The following NUMB variants were observed in gnomAD, a reference collection of about 807,000 sequenced individuals.
NUMB encodes NUMB endocytic adaptor protein.
In NUMB, 29 loss-of-function variants were observed where a neutral mutation model predicts 59.7. That is an observed-to-expected ratio of 0.49 (90% CI 0.36 to 0.66). The LOEUF (loss-of-function observed/expected upper bound fraction) is 0.66, where lower values mean the gene tolerates loss of function less well. Among genes scored for constraint, NUMB ranks in the 30% least tolerant of loss-of-function variants. NUMB has a pLI of 0.00. For synonymous variants in NUMB, 288 were observed against 288.2 expected, an observed-to-expected ratio of 1.00 and a Z score of 0.01; for missense variants, 723 against 822.0, an observed-to-expected ratio of 0.88 and a Z score of 1.47.
intron 5 of NUMB, among the ~76,000 whole-genome samples, chr14:73,321,579 T>C (rs1466688431): frequency 1.3e-5 from 2 of 152,230 alleles, no homozygotes; most frequent in African/African-American, 2.4e-5. Context: ...TTTACTTCTC[T>C]TTTAAATTTG....
intron 1 of NUMB, among the ~76,000 whole-genome samples, chr14:73,410,892 A>T (rs547305697): frequency 3.3e-5 from 5 of 152,358 alleles, no homozygotes; most frequent in Non-Finnish European, 7.3e-5. Flanking sequence ...CCCAAAACGT[A>T]AGATTAGTCC....
At chr14:73,332,872 T>C (rs1395148780) in intron 4 of NUMB, among the ~76,000 whole-genome samples, 1 of 151,986 alleles carries the variant, frequency 6.6e-6, no homozygotes, top group East Asian at 1.9e-4. Flanking sequence ...TGGCCTTTCA[T>C]GTCTGGCTTA....
At position 73,352,471 on chromosome 14, in the gene NUMB, CACACACATATATATATAT is replaced by C. The variant is rs1893390210; in HGVS notation, c.126+3137_126+3154del. On this transcript the variant is annotated intron_variant, in intron 4 of 12. Coordinates refer to ENST00000555238, the MANE Select transcript of NUMB (RefSeq NM_001005743.2). The stretch of plus-strand genomic sequence containing the variant: ...ACACACACACACATACACACACACA[CACACACATATATATATAT>C]ATATATATATATATATATATATATA... 1.4e-3 allele frequency among the ~76,000 whole-genome samples: 29 copies of C among 21,026 alleles called. 4 individuals carry two copies. Among genetic ancestry groups the C allele is most frequent in the African/African-American group, 4.7e-3 (28 of 5,918 alleles). 13.8% of individuals were successfully genotyped at this position (21,026 alleles called of 152,430 possible).
chr14:73,348,851 TAGA>T (rs1017908956), intron 4 of NUMB, among the ~76,000 whole-genome samples: 8 of 152,222 alleles, frequency 5.3e-5, no homozygotes, highest in South Asian at 2.1e-4. Flanking sequence ...CACAGCTGAT[TAGA>T]AGAAGTGCTT....
chr14:73,388,760 G>A (rs1895679819), intron 2 of NUMB, among the ~76,000 whole-genome samples: 1 of 151,726 alleles, frequency 6.6e-6, no homozygotes. Flanking sequence ...GTCAGGAGTT[G>A]GCAACCAGCC....
chr14:73,367,927 T>C (rs764240350), intron 2 of NUMB, among the ~76,000 whole-genome samples: 1 of 151,972 alleles, frequency 6.6e-6, no homozygotes, highest in Non-Finnish European at 1.5e-5. Flanking sequence ...TTCAAAACAC[T>C]CTAGAGAATC....
chr14:73,368,309 C>T (rs1594955790), intron 2 of NUMB, among the ~76,000 whole-genome samples: 2 of 152,254 alleles, frequency 1.3e-5, no homozygotes, highest in Non-Finnish European at 1.5e-5. Flanking sequence ...GGCACAGTGG[C>T]TCACGCCTGT....
chr14:73,286,925 T>C lies in NUMB; in HGVS notation c.655+185A>G, dbSNP rs1889048418. 1.5e-5 allele frequency: 9 copies of C among 613,394 alleles called. No individual in the cohort carries two copies. In the South Asian group the frequency reaches 1.8e-4, roughly 12 times the overall value. 38.0% of individuals were successfully genotyped at this position (613,394 alleles called of 1,614,324 possible). A position where few individuals can be genotyped will look rare whatever the true frequency, so the allele number is the denominator to read the frequency against. On this transcript the variant is annotated intron_variant, in intron 9 of 12. Transcript: ENST00000555238. Reference sequence around the variant, plus strand: ...TAGCTTACTATAATGGAGTAAATATTTTTGAAGCCATTAAACTAGCCACTC... The same window carrying C: ...TAGCTTACTATAATGGAGTAAATATCTTTGAAGCCATTAAACTAGCCACTC...
intron 1 of NUMB, among the ~76,000 whole-genome samples, chr14:73,451,195 C>T (rs1397418598): frequency 6.3e-5 from 9 of 143,460 alleles, no homozygotes; most frequent in African/African-American, 2.3e-4. Context: ...ATCTACACTT[C>T]GGGAGGCTGA....
rs1566766450 is a variant in NUMB at position 73,372,317 on chromosome 14, A to ATATATATATATATATAACCTTT, written c.-100-5337_-100-5336insAAAGGTTATATATATATATATA. ...ATATATATTTCTTTTATATATATAT[A>ATATATATATATATATAACCTTT]TATATATATATATATATATAACCTT... is the stretch of plus-strand genomic sequence containing the variant. On this transcript the variant is annotated intron_variant, in intron 2 of 12. Coordinates refer to ENST00000555238, the MANE Select transcript of NUMB (RefSeq NM_001005743.2). 2.5e-4 allele frequency among the ~76,000 whole-genome samples: 27 copies of ATATATATATATATATAACCTTT among 107,692 alleles called. 1 individual carries two copies. Among genetic ancestry groups the ATATATATATATATATAACCTTT allele is most frequent in the African/African-American group, 8.9e-4 (27 of 30,484 alleles). 70.7% of individuals were successfully genotyped at this position (107,692 alleles called of 152,430 possible).
At chr14:73,426,616 G>A (rs1161990333) in intron 1 of NUMB, among the ~76,000 whole-genome samples, 1 of 152,132 alleles carries the variant, frequency 6.6e-6, no homozygotes, top group Non-Finnish European at 1.5e-5. Flanking sequence ...GGAGGCTGAG[G>A]CGGGCAGATA....
chr14:73,436,947 C>G (rs1365772169), intron 1 of NUMB, among the ~76,000 whole-genome samples: 1 of 151,188 alleles, frequency 6.6e-6, no homozygotes, highest in African/African-American at 2.4e-5. Flanking sequence ...TCACTGCACT[C>G]CAGCCTGGTG....
intron 4 of NUMB, among the ~76,000 whole-genome samples, chr14:73,350,688 C>T (rs938884818): frequency 3.0e-5 from 4 of 133,288 alleles, no homozygotes; most frequent in Non-Finnish European, 6.2e-5. Context: ...TGTACTACCA[C>T]ATCTAGCTTT....
At chr14:73,313,018 G>C (rs1223320027) in intron 6 of NUMB, among the ~76,000 whole-genome samples, 1 of 146,674 alleles carries the variant, frequency 6.8e-6, no homozygotes, top group Non-Finnish European at 1.5e-5. Flanking sequence ...ACAGAGTCTT[G>C]CTCTATAGTC....
At chr14:73,410,680 GTTGT>G (rs755261148) in intron 1 of NUMB, among the ~76,000 whole-genome samples, 204 of 152,186 alleles carry the variant, frequency 1.3e-3, no homozygotes, top group Non-Finnish European at 2.4e-3. Context: ...GGTAGCAGTT[GTTGT>G]TTAAGTTCTC....
At chr14:73,411,431 C>T (rs1472006165) in intron 1 of NUMB, among the ~76,000 whole-genome samples, 1 of 151,920 alleles carries the variant, frequency 6.6e-6, no homozygotes, top group East Asian at 1.9e-4. Context: ...AGAGGCCAAT[C>T]CAAAAGGTGA....
At chr14:73,454,231 G>GA (rs1309353390) in intron 1 of NUMB, among the ~76,000 whole-genome samples, 2 of 151,666 alleles carry the variant, frequency 1.3e-5, no homozygotes, top group East Asian at 1.9e-4. Flanking sequence ...AAAAAAAAAG[G>GA]AAAAAAATCA....
intron 1 of NUMB, among the ~76,000 whole-genome samples, chr14:73,419,636 G>A (rs539991583): frequency 1.3e-5 from 2 of 152,112 alleles, no homozygotes; most frequent in Non-Finnish European, 2.9e-5. Flanking sequence ...TGAATATGCA[G>A]TTTATGGTCA....
rs1482133940 is a variant in NUMB, at chr14:73,323,210, G to C, written c.127-6C>G. 3 of 1,606,044 alleles carry C rather than the reference G, an allele frequency of 1.9e-6. No homozygotes were observed. The highest frequency in any genetic ancestry group is 1.7e-6 in the Non-Finnish European group (2 of 1,173,142). On this transcript the variant is annotated splice_region_variant and splice_polypyrimidine_tract_variant and intron_variant, in intron 4 of 12. Transcript: ENST00000555238. ...ACTTCTACATGGCCAAGGTACTGTA[G>C]AAAGAAGGAAAAGTTAGGGCTATTG... is the stretch of plus-strand genomic sequence containing the variant.
Sources: gnomAD v4.1 joint callset for allele counts (sites outside exome capture counted in the v4.1 genomes callset) on GRCh38, gnomAD v4.1.1 for gene constraint, MANE v1.5 for transcripts, NCBI Gene and HGNC (gene_info 2026-07-23, HGNC 2026-07-21) for gene names.